Variants in DNM3 observed in about 807,000 individuals in gnomAD.
The protein encoded by DNM3 is dynamin 3, also known as dynamin-3.
A neutral mutation model predicts 101.6 loss-of-function variants in DNM3; 47 were observed. That is an observed-to-expected ratio of 0.46 (90% confidence interval 0.37 to 0.59). The LOEUF is 0.59. Ranked by LOEUF, DNM3 falls within the 20% of genes least tolerant of loss-of-function variation. The probability of loss-of-function intolerance (pLI) is 0.00; values close to 1 mark genes in which losing one functional copy is unlikely to be tolerated. For missense variants in DNM3, 849 were observed against 1,085.7 expected (o/e 0.78, Z 3.06); for synonymous variants, 385 against 387.9 (o/e 0.99, Z 0.09).
intron 4 of DNM3, among the ~76,000 whole-genome samples, chr1:171,990,850 G>GACAA (rs1383175727): frequency 6.6e-6 from 1 of 152,098 alleles, no homozygotes; most frequent in Non-Finnish European, 1.5e-5. Context: ...GGCTCCAGAT[G>GACAA]ACAAGTAAGG....
At chr1:172,310,442 C>T (rs1373110310) in intron 16 of DNM3, 1 of 152,076 alleles carries the variant, frequency 6.6e-6, no homozygotes, top group African/African-American at 2.4e-5. Flanking sequence ...TAATTGTGCA[C>T]CATTATTTAA....
At chr1:172,113,446 C>T (rs1321973567) in intron 13 of DNM3, among the ~76,000 whole-genome samples, 3 of 151,852 alleles carry the variant, frequency 2.0e-5, no homozygotes, top group East Asian at 3.9e-4. Flanking sequence ...GGTGAAACCC[C>T]ATCTCTACTA....
At chr1:172,323,381 C>T (rs778999590) in intron 17 of DNM3, 41 bp downstream of exon 17, 2 of 1,595,266 alleles carry the variant, frequency 1.3e-6, no homozygotes, top group South Asian at 1.1e-5. Flanking sequence ...GTCCCCCCAG[C>T]CCCTGCTCCG....
intron 18 of DNM3, among the ~76,000 whole-genome samples, chr1:172,385,778 C>T (rs1255668611): frequency 6.6e-6 from 1 of 152,042 alleles, no homozygotes; most frequent in Non-Finnish European, 1.5e-5. Context: ...TTGCGTTTGG[C>T]CTTTCTTAAA....
chr1:172,336,398 A>G (rs2148947010), intron 17 of DNM3, among the ~76,000 whole-genome samples: 1 of 151,824 alleles, frequency 6.6e-6, no homozygotes, highest in East Asian at 1.9e-4. Context: ...TTTATGCATA[A>G]TTTCTCATCT....
At chr1:171,907,441 A>C (rs1298950110) in intron 1 of DNM3, among the ~76,000 whole-genome samples, 1 of 152,116 alleles carries the variant, frequency 6.6e-6, no homozygotes, top group East Asian at 1.9e-4. Flanking sequence ...CGGTGAGCCA[A>C]GATTGCGCCA....
intron 1 of DNM3, among the ~76,000 whole-genome samples, chr1:171,883,388 CACACACACACACACACACACACACACCCT>C (rs2036472070): frequency 1.7e-5 from 2 of 117,430 alleles, no homozygotes; most frequent in Non-Finnish European, 1.9e-5. Flanking sequence ...CACACACACA[CACACACACACACACACACACACACACCCT>C]GTCAGAATGA....
chr1:171,944,810 T>G (rs1436172844), intron 2 of DNM3, among the ~76,000 whole-genome samples: 1 of 151,124 alleles, frequency 6.6e-6, no homozygotes. Context: ...TGGTGTGAGT[T>G]CATATTAAAG....
At position 172,223,227 on chromosome 1, in the gene DNM3, T is replaced by C. The variant is rs568760012; in HGVS notation, c.1660-30346T>C. ...TGTTGATCTCTTCCCATCCTGCCCC[T>C]AACCCCACCTCTCCAGTCTCTGGTA... On this transcript the variant is annotated intron_variant, in intron 14 of 20. Coordinates refer to ENST00000627582, the MANE Select transcript of DNM3 (RefSeq NM_015569.5). 1.1e-4 allele frequency among the ~76,000 whole-genome samples: 17 copies of C among 151,712 alleles called. 1 individual carries two copies. Among genetic ancestry groups the C allele is most frequent in the African/African-American group, 4.1e-4 (17 of 41,468 alleles).
Position 172,378,952 on chromosome 1 carries a change from G to A in DNM3, c.1894-66G>A, listed in dbSNP as rs1263889010. 7.9e-6 allele frequency: 12 copies of A among 1,513,426 alleles called. No individual in the cohort carries two copies. In the East Asian group the frequency reaches 9.3e-5, roughly 12 times the overall value. The allele number at this position is 1,513,426 out of a possible 1,614,324, so 93.7% of individuals were successfully genotyped here. ...AATCAGAAGTTGATAATCTGATAAC[G>A]ACTGACATTTTATTTTCTTCTGAGT... On this transcript the variant is annotated intron_variant, in intron 17 of 20. Coordinates refer to ENST00000627582, the MANE Select transcript of DNM3 (RefSeq NM_015569.5).
intron 14 of DNM3, among the ~76,000 whole-genome samples, chr1:172,194,236 T>C (rs1309386562): frequency 1.3e-5 from 2 of 152,182 alleles, no homozygotes; most frequent in Admixed American, 6.6e-5. Flanking sequence ...CAGTTTGTTA[T>C]AAAGTCTGTT....
At chr1:171,985,749 A>C (rs188639662) in intron 2 of DNM3, among the ~76,000 whole-genome samples, 28 of 152,328 alleles carry the variant, frequency 1.8e-4, no homozygotes, top group African/African-American at 6.0e-4. Context: ...TGGTAAATTA[A>C]AGTAGAAACT....
In DNM3 at chr1:172,218,090, A is replaced by G. The variant is rs187625439; in HGVS notation, c.1660-35483A>G. On this transcript the variant is annotated intron_variant, in intron 14 of 20. Transcript: ENST00000627582. ...TTTCCTACATGTTTGAGGGTTTCAA[A>G]AGTGTCCTTTTCATTTGTGGAATTT... Among the ~76,000 whole-genome samples the G allele has an allele frequency of 1.3e-5, 2 of 152,276 alleles. 1 individual carries two copies. The highest frequency in any genetic ancestry group is 4.8e-5 in the African/African-American group (2 of 41,572).
chr1:172,408,581 A>C lies in DNM3; in HGVS notation c.*740A>C. The C allele has an allele frequency of 4.1e-6, 4 of 985,196 alleles. No individual in the cohort carries two copies. Among genetic ancestry groups the C allele is most frequent in the Non-Finnish European group, 4.8e-6 (4 of 829,716 alleles). 61.0% of individuals were successfully genotyped at this position (985,196 alleles called of 1,614,324 possible). On this transcript the variant is annotated 3_prime_UTR_variant, in exon 21 of 21. Coordinates refer to ENST00000627582, the MANE Select transcript of DNM3 (RefSeq NM_015569.5). ...TTTCAGAGTTCAAGGAAGAAGCAAAATATCACATCTCTAGAAGTGTTGGGA... is the reference window on the plus strand; with the variant it reads ...TTTCAGAGTTCAAGGAAGAAGCAAACTATCACATCTCTAGAAGTGTTGGGA...
At chr1:172,349,394 G>A (rs2148979690) in intron 17 of DNM3, among the ~76,000 whole-genome samples, 2 of 152,288 alleles carry the variant, frequency 1.3e-5, no homozygotes, top group South Asian at 4.1e-4. Context: ...TTTTCAGTAA[G>A]TGACTACTGC....
At chr1:172,240,942 A>G (rs1436091243) in intron 14 of DNM3, among the ~76,000 whole-genome samples, 1 of 152,064 alleles carries the variant, frequency 6.6e-6, no homozygotes, top group Non-Finnish European at 1.5e-5. Context: ...TGCCATGCTG[A>G]GTAAATTTTT....
intron 15 of DNM3, among the ~76,000 whole-genome samples, chr1:172,285,543 A>C (rs555177046): frequency 1.3e-5 from 2 of 152,340 alleles, no homozygotes; most frequent in East Asian, 3.9e-4. Flanking sequence ...TCCCAGATGC[A>C]TCCAAGACAT....
At chr1:171,944,067 T>C (rs2041990435) in intron 2 of DNM3, among the ~76,000 whole-genome samples, 1 of 152,212 alleles carries the variant, frequency 6.6e-6, no homozygotes, top group Admixed American at 6.5e-5. Flanking sequence ...ACATAGTGTC[T>C]CTGTTGCAGC....
At chr1:172,318,989 A>G (rs1167890786) in intron 16 of DNM3, among the ~76,000 whole-genome samples, 1 of 151,840 alleles carries the variant, frequency 6.6e-6, no homozygotes, top group Non-Finnish European at 1.5e-5. Flanking sequence ...TTCAAACTAT[A>G]CTACAAGGCT....
Sources: gnomAD v4.1 joint callset for allele counts (sites outside exome capture counted in the v4.1 genomes callset) on GRCh38, gnomAD v4.1.1 for gene constraint, MANE v1.5 for transcripts, NCBI Gene and HGNC (gene_info 2026-07-23, HGNC 2026-07-21) for gene names.